The following SRD5A3 variants were observed in gnomAD, a reference collection of about 807,000 sequenced individuals.
SRD5A3 encodes steroid 5 alpha-reductase 3, also known as polyprenal reductase.
In SRD5A3, 24 loss-of-function variants were observed where a neutral mutation model predicts 34.3. The ratio of observed to expected loss-of-function variants is 0.70; its 90% CI spans 0.51 to 0.99. The LOEUF is 0.99. SRD5A3 is among the 50% of genes least tolerant of loss of function. SRD5A3 has a pLI of 0.00. For synonymous variants in SRD5A3, 161 were observed against 167.3 expected (o/e 0.96, Z 0.29); for missense variants, 350 against 388.2 (o/e 0.90, Z 0.83).
intron 1 of SRD5A3, chr4:55,351,994 T>C: frequency 1.3e-6 from 1 of 762,538 alleles, no homozygotes; most frequent in Non-Finnish European, 2.4e-6. Context: ...CTGCTTAGGT[T>C]CCTTTGTGTG....
chr4:55,353,609 G>C (rs1311963277), intron 1 of SRD5A3, among the ~76,000 whole-genome samples: 2 of 152,170 alleles, frequency 1.3e-5, no homozygotes, highest in Non-Finnish European at 2.9e-5. Context: ...CACTCTTTGG[G>C]TCTGCACTAC....
chr4:55,356,000 ATTTTT>A (rs10648522), intron 1 of SRD5A3, among the ~76,000 whole-genome samples: 30 of 74,294 alleles, frequency 4.0e-4, no homozygotes, highest in Non-Finnish European at 5.8e-4. Flanking sequence ...TTTTGCCTCC[ATTTTT>A]TTTTTTTTTT....
In SRD5A3 at chr4:55,369,935, C is replaced by T. The variant is rs751851875; in HGVS notation, c.801C>T (p.Ala267=). Residue 267 remains alanine (A), a synonymous_variant, in exon 5 of 5, where the codon GCC becomes GCT. Transcript: ENST00000264228. ...AGCTGATGATCTACGTTTCCATGGC[C>T]GTCACCTTTGGGTTCCACAACTTAA... ...LAELMIYVSM[A]VTFGFHNLTW... is the part of the protein sequence containing the mutation. The T allele has an allele frequency of 5.6e-6, 9 of 1,613,978 alleles. No individual in the cohort carries two copies. The highest frequency in any genetic ancestry group is 1.7e-5 in the Admixed American group (1 of 59,990).
At chr4:55,358,284 CT>C (rs1719545137) in intron 1 of SRD5A3, among the ~76,000 whole-genome samples, 1 of 152,124 alleles carries the variant, frequency 6.6e-6, no homozygotes, top group African/African-American at 2.4e-5. Context: ...AATCTCAGCA[CT>C]TTGGGAAGCC....
chr4:55,346,274 C>G lies in SRD5A3; in HGVS notation c.-63C>G. The G allele has an allele frequency of 7.5e-7, 1 of 1,326,286 alleles. No individual in the cohort carries two copies. The allele number at this position is 1,326,286 out of a possible 1,614,324, so 82.2% of individuals were successfully genotyped here. On this transcript the variant is annotated 5_prime_UTR_variant, in exon 1 of 5. Transcript: ENST00000264228. ...GACCGGTGCGCCGCGCGCTAGTGGC[C>G]GCTCTTCCGCGGGCTAGCGGGCGGT... is the stretch of plus-strand genomic sequence containing the variant.
At chr4:55,360,943 G>A (rs182486723) in intron 2 of SRD5A3, among the ~76,000 whole-genome samples, 1 of 152,062 alleles carries the variant, frequency 6.6e-6, no homozygotes, top group Non-Finnish European at 1.5e-5. Flanking sequence ...ACCCGCATTG[G>A]CCTCCCAAAG....
rs528288943 is a variant in SRD5A3, at chr4:55,359,979, A to G, written c.364+491A>G. Among the ~76,000 whole-genome samples, 231 of 152,266 alleles carry G rather than the reference A, an allele frequency of 1.5e-3. 3 individuals are homozygous for G. Among genetic ancestry groups the G allele is most frequent in the South Asian group, 6.6e-3 (32 of 4,822 alleles). On this transcript the variant is annotated intron_variant, in intron 2 of 4. Transcript: ENST00000264228. ...TGTAATCCCAGCACTTTGGGAGGCC[A>G]AGGCGGGCAGATCACAAGGTCAGGA...
Position 55,347,617 on chromosome 4 carries a change from T to C in SRD5A3, c.221+1060T>C, listed in dbSNP as rs190558227. Among the ~76,000 whole-genome samples, 214 of 152,216 alleles carry C rather than the reference T, an allele frequency of 1.4e-3. 1 individual carries two copies. The highest frequency in any genetic ancestry group is 4.9e-3 in the African/African-American group (203 of 41,520). On this transcript the variant is annotated intron_variant, in intron 1 of 4. Coordinates refer to ENST00000264228, the MANE Select transcript of SRD5A3 (RefSeq NM_024592.5). The stretch of plus-strand genomic sequence containing the variant: ...CACTCTAGCCTGGGCAACAGAGAAA[T>C]ACCTTGTATTTAAAAAAAATTTTTT...
At chr4:55,359,521 A>G in intron 2 of SRD5A3, 33 bp downstream of exon 2, 1 of 1,613,472 alleles carries the variant, frequency 6.2e-7, no homozygotes, top group Non-Finnish European at 8.5e-7. Flanking sequence ...ACAACGCTGC[A>G]TCCCGTTTCT....
At chr4:55,360,420 C>T (rs1189507394) in intron 2 of SRD5A3, among the ~76,000 whole-genome samples, 2 of 151,106 alleles carry the variant, frequency 1.3e-5, no homozygotes, top group Admixed American at 1.3e-4. Context: ...GCAGGAGAAT[C>T]GCTTGAACCT....
intron 1 of SRD5A3, among the ~76,000 whole-genome samples, chr4:55,349,628 G>A (rs1429099487): frequency 2.6e-5 from 4 of 151,902 alleles, no homozygotes; most frequent in African/African-American, 2.4e-5. Flanking sequence ...GAATAAACAG[G>A]TGACCTCGAA....
chr4:55,360,974 G>C (rs1719667029), intron 2 of SRD5A3, among the ~76,000 whole-genome samples: 1 of 152,062 alleles, frequency 6.6e-6, no homozygotes, highest in South Asian at 2.1e-4. Flanking sequence ...ACAGGTGTGA[G>C]CCACCGCGCC....
At chr4:55,348,222 C>T (rs1272539559) in intron 1 of SRD5A3, among the ~76,000 whole-genome samples, 1 of 152,172 alleles carries the variant, frequency 6.6e-6, no homozygotes, top group Admixed American at 6.5e-5. Context: ...AGTAGAACCT[C>T]CCATAGTGTT....
At chr4:55,364,556 A>T (rs1719806282) in intron 3 of SRD5A3, 2 of 257,104 alleles carry the variant, frequency 7.8e-6, no homozygotes, top group South Asian at 4.4e-5. Flanking sequence ...ACTAAAAATT[A>T]AAAAAAAAAA....
rs749696992 is a variant in SRD5A3 at position 55,367,684 on chromosome 4, G to C, written c.659G>C (p.Cys220Ser). 1.2e-6 allele frequency: 2 copies of C among 1,613,870 alleles called. No individual in the cohort carries two copies. Among genetic ancestry groups the C allele is most frequent in the Non-Finnish European group, 8.5e-7 (1 of 1,179,784 alleles). Residue 220 changes from cysteine to serine, a missense_variant, in exon 4 of 5, where the codon TGC (cysteine) becomes TCC (serine). Physicochemically the swap from Cys to Ser is moderately radical, Grantham distance 112 (BLOSUM62 -1). Coordinates refer to ENST00000264228, the MANE Select transcript of SRD5A3 (RefSeq NM_024592.5). ...TGGTCATCTGCCCATCAGTATAAGT[G>C]CCATGTTATTCTCGGCAATCTCAGG... ...FIWSSAHQYK[C>S]HVILGNLRKN...
At chr4:55,353,729 G>A (rs965606292) in intron 1 of SRD5A3, among the ~76,000 whole-genome samples, 3 of 152,134 alleles carry the variant, frequency 2.0e-5, no homozygotes, top group African/African-American at 4.8e-5. Context: ...CCACCTTTAA[G>A]AGCTGTAACA....
chr4:55,351,067 C>A (rs1303406765), intron 1 of SRD5A3, among the ~76,000 whole-genome samples: 2 of 150,502 alleles, frequency 1.3e-5, no homozygotes, highest in African/African-American at 4.9e-5. Context: ...TGTGCCTGGC[C>A]TAAATTTTTT....
intron 4 of SRD5A3, 196 bp from the exon 5 acceptor site, chr4:55,369,636 T>C: frequency 1.6e-6 from 1 of 627,996 alleles, no homozygotes; most frequent in Non-Finnish European, 2.7e-6. Flanking sequence ...CAGTTTGAGA[T>C]GGGAGGATTG....
intron 1 of SRD5A3, chr4:55,352,276 C>A: frequency 1.2e-6 from 1 of 824,526 alleles, no homozygotes. Context: ...ATTTCTCTTT[C>A]CTTTAACACG....
Sources: gnomAD v4.1 joint callset for allele counts (sites outside exome capture counted in the v4.1 genomes callset) on GRCh38, gnomAD v4.1.1 for gene constraint, MANE v1.5 for transcripts, NCBI Gene and HGNC (gene_info 2026-07-23, HGNC 2026-07-21) for gene names.